WDR7: variants seen among roughly 807,000 people sequenced by gnomAD.
The protein encoded by WDR7 is WD repeat domain 7, also known as WD repeat-containing protein 7.
A neutral mutation model predicts 169.4 loss-of-function variants in WDR7; 46 were observed. That is an observed-to-expected ratio of 0.27 (90% CI 0.21 to 0.35). The LOEUF is 0.35. Among genes scored for constraint, WDR7 ranks in the 10% least tolerant of loss-of-function variants. WDR7 has a pLI of 1.00. For synonymous variants in WDR7, 612 were observed against 666.8 expected (o/e 0.92, Z 1.27); for missense variants, 1,534 against 1,859.3 (o/e 0.83, Z 3.22).
At chr18:56,853,854 C>G (rs2045677725) in intron 20 of WDR7, among the ~76,000 whole-genome samples, 1 of 152,136 alleles carries the variant, frequency 6.6e-6, no homozygotes, top group Non-Finnish European at 1.5e-5. Flanking sequence ...TACAAAGATT[C>G]ATTAGTTTTG....
At chr18:56,659,758 C>T (rs965203428) in intron 1 of WDR7, among the ~76,000 whole-genome samples, 2 of 152,072 alleles carry the variant, frequency 1.3e-5, no homozygotes. Flanking sequence ...AGAACAACCA[C>T]CTCACTCATA....
At chr18:56,809,943 T>C (rs77388852) in intron 19 of WDR7, among the ~76,000 whole-genome samples, 2,114 of 152,228 alleles carry the variant, frequency 0.014, 30 homozygotes, top group East Asian at 0.035. Flanking sequence ...GTCAATCCTT[T>C]TGTCACACTC....
chr18:56,659,013 GC>G (rs1396733132), intron 1 of WDR7, among the ~76,000 whole-genome samples: 4 of 152,074 alleles, frequency 2.6e-5, no homozygotes, highest in African/African-American at 9.7e-5. Flanking sequence ...ACCGCGCCCG[GC>G]CCCCTGTACT....
intron 14 of WDR7, among the ~76,000 whole-genome samples, chr18:56,732,236 T>C (rs1481976210): frequency 6.6e-6 from 1 of 152,204 alleles, no homozygotes; most frequent in African/African-American, 2.4e-5. Flanking sequence ...TTGTAGAGTC[T>C]AGCCACTGTT....
At position 56,757,045 on chromosome 18, in the gene WDR7, G is replaced by A. The variant is rs780651509; in HGVS notation, c.2452G>A (p.Glu818Lys). 6.2e-6 allele frequency: 10 copies of A among 1,614,174 alleles called. No homozygotes were observed. The South Asian group carries it at 1.1e-4, about 18-fold the overall frequency. The stretch of plus-strand genomic sequence containing the variant: ...CTGGGGTTTGAATGAAGTACTGGAT[G>A]AAGTTTGCCTGGATCGCCTTGGAAT... ...HAWGLNEVLDEVCLDRLGMLK... is the reference protein window; with the variant it reads ...HAWGLNEVLDKVCLDRLGMLK... Residue 818 changes from glutamate to lysine, a missense_variant, in exon 15 of 28, where the codon GAA becomes AAA. Coordinates refer to ENST00000254442, the MANE Select transcript of WDR7 (RefSeq NM_015285.3).
chr18:56,938,433 A>T, intron 23 of WDR7, 100 bp from the exon 24 acceptor site: 1 of 1,441,096 alleles, frequency 6.9e-7, no homozygotes, highest in East Asian at 2.5e-5. Flanking sequence ...CAAGAAGTTT[A>T]TTTTTTTCTA....
intron 20 of WDR7, among the ~76,000 whole-genome samples, chr18:56,851,069 T>C (rs1329890831): frequency 6.6e-6 from 1 of 152,226 alleles, no homozygotes; most frequent in African/African-American, 2.4e-5. Context: ...AGCCATAACC[T>C]GTTCAAATCC....
At position 56,962,523 on chromosome 18, in the gene WDR7, A is replaced by G. The variant is rs760387148; in HGVS notation, c.4158A>G (p.Lys1386=). Residue 1386 remains lysine (K), a synonymous_variant, in exon 26 of 28, where the codon AAA becomes AAG. Coordinates refer to ENST00000254442, the MANE Select transcript of WDR7 (RefSeq NM_015285.3). ...SVALYDIRTG[K]CQTIHGHKGP... is the part of the protein sequence containing the mutation. The stretch of plus-strand genomic sequence containing the variant: ...CCCTGTACGACATCCGGACTGGAAA[A>G]TGTCAGGTAAATAAATCATTGTGAC... 5.0e-6 allele frequency: 8 copies of G among 1,612,650 alleles called. No homozygotes were observed. The African/African-American group carries it at 1.1e-4, about 22-fold the overall frequency.
At chr18:56,808,397 A>G (rs998522857) in intron 19 of WDR7, among the ~76,000 whole-genome samples, 5 of 152,154 alleles carry the variant, frequency 3.3e-5, no homozygotes, top group Admixed American at 3.3e-4. Context: ...ATTCTTTTGG[A>G]TCTATTTTTC....
rs973396073 is a variant in WDR7 at position 56,793,550 on chromosome 18, A to G, written c.3190+11894A>G. ...GAGTTTTGATTTTCTTTCACACTAA[A>G]TATTTAAAAGTATGTGCAAGAGATT... On this transcript the variant is annotated intron_variant, in intron 19 of 27. Coordinates refer to ENST00000254442, the MANE Select transcript of WDR7 (RefSeq NM_015285.3). 8.5e-5 allele frequency among the ~76,000 whole-genome samples: 13 copies of G among 152,352 alleles called. No homozygotes were observed. The South Asian group carries it at 2.5e-3, about 29-fold the overall frequency.
At chr18:57,011,558 G>T (rs1360510733) in intron 26 of WDR7, among the ~76,000 whole-genome samples, 1 of 152,116 alleles carries the variant, frequency 6.6e-6, no homozygotes, top group Non-Finnish European at 1.5e-5. Flanking sequence ...TCATTGAATA[G>T]TTTCAATACC....
intron 21 of WDR7, among the ~76,000 whole-genome samples, chr18:56,909,814 C>T (rs1039919374): frequency 1.3e-5 from 2 of 151,998 alleles, no homozygotes; most frequent in Non-Finnish European, 2.9e-5. Context: ...AAAACTAAGC[C>T]ATTTGCTGCT....
chr18:56,923,684 C>T lies in WDR7; in HGVS notation c.3527-238C>T, dbSNP rs2046760508. Among the ~76,000 whole-genome samples, 7 of 152,116 alleles carry T rather than the reference C, an allele frequency of 4.6e-5. No individual in the cohort carries two copies. The South Asian group carries it at 8.3e-4, about 18-fold the overall frequency. ...TTTTGAAATTATATATACTCATTTA[C>T]GTACAATATGTAATTAAAACACTTT... On this transcript the variant is annotated intron_variant, in intron 21 of 27. Transcript: ENST00000254442.
At chr18:56,812,585 G>A (rs1288625658) in intron 19 of WDR7, among the ~76,000 whole-genome samples, 2 of 152,188 alleles carry the variant, frequency 1.3e-5, no homozygotes, top group Non-Finnish European at 2.9e-5. Context: ...CTCAGTTTAA[G>A]TCTAAAATCC....
At position 56,731,613 on chromosome 18, in the gene WDR7, G is replaced by A. The variant is rs1380284483; in HGVS notation, c.1989+16G>A. On this transcript the variant is annotated intron_variant, in intron 14 of 27. Coordinates refer to ENST00000254442, the MANE Select transcript of WDR7 (RefSeq NM_015285.3). ...ATCTGACAAGGTAAGTTTTATATGT[G>A]GGCCCATGAAGTGTGTAGACCCCAT... is the stretch of plus-strand genomic sequence containing the variant. 6.2e-7 allele frequency: 1 copy of A among 1,611,088 alleles called. No homozygotes were observed. Among genetic ancestry groups the A allele is most frequent in the African/African-American group, 1.3e-5 (1 of 74,836 alleles).
intron 26 of WDR7, among the ~76,000 whole-genome samples, chr18:56,985,518 C>T (rs2047701760): frequency 6.6e-6 from 1 of 151,986 alleles, no homozygotes; most frequent in African/African-American, 2.4e-5. Flanking sequence ...TCTAATTTGC[C>T]ATTCTCAAAA....
Position 56,681,388 on chromosome 18 carries a change from A to C in WDR7, c.342A>C (p.Ile114=). 1 of 1,576,678 alleles carries C rather than the reference A, an allele frequency of 6.3e-7. No individual in the cohort carries two copies. The highest frequency in any genetic ancestry group is 8.6e-7 in the Non-Finnish European group (1 of 1,167,420). Residue 114 remains isoleucine, a synonymous_variant, in exon 4 of 28, where the codon ATA becomes ATC. Coordinates refer to ENST00000254442, the MANE Select transcript of WDR7 (RefSeq NM_015285.3). ...AATTAGCTTGCACACATACTGGCAT[A>C]CAGGTTAGTTTCTATTTCTGTGACT... ...FTKLACTHTG[I]QFYQFSVGNQ... is the part of the protein sequence containing the mutation.
At chr18:56,705,032 T>A (rs749062867) in intron 12 of WDR7, among the ~76,000 whole-genome samples, 13 of 152,196 alleles carry the variant, frequency 8.5e-5, no homozygotes, top group Non-Finnish European at 1.8e-4. Context: ...GAAGTCTTGC[T>A]ATGTTGCCCA....
Position 56,695,040 on chromosome 18 carries a change from T to G in WDR7, c.1199T>G (p.Ile400Ser). The G allele has an allele frequency of 6.2e-7, 1 of 1,614,190 alleles. No individual in the cohort carries two copies. Among genetic ancestry groups the G allele is most frequent in the Non-Finnish European group, 8.5e-7 (1 of 1,180,022 alleles). The change falls in exon 11 of 28, where the codon ATT (isoleucine) becomes AGT (serine). Residue 400 changes from isoleucine to serine, a missense_variant. By Grantham distance (142) the Ile-to-Ser change is moderately radical. Coordinates refer to ENST00000254442, the MANE Select transcript of WDR7 (RefSeq NM_015285.3). ...PAGIIDQLSVIPNSNEPLKVT... is the reference protein window; with the variant it reads ...PAGIIDQLSVSPNSNEPLKVT... The stretch of plus-strand genomic sequence containing the variant: ...GGAATTATAGATCAGCTGAGTGTGA[T>G]TCCCAATAGTAATGAACCTCTTAAA...
Sources: allele counts gnomAD v4.1 joint callset (sites outside exome capture counted in the v4.1 genomes callset), GRCh38; gene constraint gnomAD v4.1.1; transcripts MANE v1.5; gene names NCBI Gene and HGNC (gene_info 2026-07-23, HGNC 2026-07-21).